Variants in DNMT3A observed in about 807,000 individuals in gnomAD.
DNMT3A encodes the protein DNA (cytosine-5)-methyltransferase 3A.
In DNMT3A, 267 loss-of-function variants were observed where a neutral mutation model predicts 117.6. The ratio of observed to expected loss-of-function variants is 2.27; its 90% confidence interval spans 2.05 to 2.51. DNMT3A has a LOEUF of 2.51. Ranked by LOEUF, DNMT3A falls within the 30% of genes most tolerant of loss-of-function variation. DNMT3A has a pLI of 0.00. For synonymous variants in DNMT3A, 432 were observed against 474.8 expected (o/e 0.91, Z 1.17); for missense variants, 1,029 against 1,260.2 (o/e 0.82, Z 2.78).
chr2:25,254,276 G>A lies in DNMT3A; in HGVS notation c.640-6024C>T, dbSNP rs1200962630. On this transcript the variant is annotated intron_variant, in intron 6 of 22. Coordinates refer to ENST00000321117, the MANE Select transcript of DNMT3A (RefSeq NM_022552.5). The surrounding 1 kb of genome is among the most constrained non-coding windows in gnomAD (Gnocchi z 4.7). Reference sequence around the variant, plus strand: ...CTGGCTCCCAGCCACAGTCACCTGGGACATACAGGTGCTGGTATAATGAAG... The same window carrying A: ...CTGGCTCCCAGCCACAGTCACCTGGAACATACAGGTGCTGGTATAATGAAG... Among the ~76,000 whole-genome samples the A allele has an allele frequency of 6.6e-6, 1 of 152,016 alleles. No homozygotes were observed. Among genetic ancestry groups the A allele is most frequent in the Non-Finnish European group, 1.5e-5 (1 of 67,998 alleles).
chr2:25,272,977 A>ATTTT lies in DNMT3A; in HGVS notation c.639+1960_639+1963dup, dbSNP rs70947875. 9.4e-5 allele frequency among the ~76,000 whole-genome samples: 10 copies of ATTTT among 106,480 alleles called. 1 individual carries two copies. Among genetic ancestry groups the ATTTT allele is most frequent in the African/African-American group, 3.4e-4 (8 of 23,358 alleles). 69.9% of individuals were successfully genotyped at this position (106,480 alleles called of 152,430 possible). Reference sequence around the variant, plus strand: ...CCACCACACCTGGCTAATTGTTTGTATTTTTTTTTTTTTTGAGACAGAGTT... The same window carrying ATTTT: ...CCACCACACCTGGCTAATTGTTTGTATTTTTTTTTTTTTTTTTTGAGACAGAGTT... On this transcript the variant is annotated intron_variant, in intron 6 of 22. Coordinates refer to ENST00000321117, the MANE Select transcript of DNMT3A (RefSeq NM_022552.5).
chr2:25,318,452 AATTCTTGT>A (rs1367499505), intron 1 of DNMT3A, among the ~76,000 whole-genome samples: 13 of 151,882 alleles, frequency 8.6e-5, no homozygotes. Context: ...ACTCCCGGCT[AATTCTTGT>A]ATTTTTAGTA....
chr2:25,274,563 G>A (rs1182887459), intron 6 of DNMT3A, among the ~76,000 whole-genome samples: 1 of 152,176 alleles, frequency 6.6e-6, no homozygotes, highest in Non-Finnish European at 1.5e-5. Flanking sequence ...CACAGAGCCA[G>A]CTCTTCGGTT....
chr2:25,292,545 A>T (rs2032833843), intron 3 of DNMT3A, among the ~76,000 whole-genome samples: 1 of 151,950 alleles, frequency 6.6e-6, no homozygotes, highest in African/African-American at 2.4e-5. Context: ...GAAATTTCTA[A>T]TGGGTGTCCT....
At chr2:25,326,874 C>G (rs936860201) in intron 1 of DNMT3A, among the ~76,000 whole-genome samples, 5 of 152,250 alleles carry the variant, frequency 3.3e-5, no homozygotes, top group African/African-American at 1.2e-4. Context: ...CAGCCAGGAG[C>G]TTCTCCCAGC....
chr2:25,275,526 T>C lies in DNMT3A; in HGVS notation c.466A>G (p.Thr156Ala), dbSNP rs1341152011. ...PAEAGKEQKE[T>A]NIESMKMEGS... ...TCCATTTTCATGGATTCGATGTTGG[T>C]CTCCTTCTGTTCTTTGCCTGTGGAG... The change falls in exon 5 of 23, where the codon ACC becomes GCC. Residue 156 changes from threonine (T) to alanine (A), a missense_variant. Thr to Ala is a moderately conservative substitution (Grantham distance 58, BLOSUM62 0). Transcript: ENST00000321117. 6.3e-7 allele frequency: 1 copy of C among 1,585,592 alleles called. No homozygotes were observed.
rs900465870 is a variant in DNMT3A at position 25,294,019 on chromosome 2, C to T, written c.177+6120G>A. 6.6e-6 allele frequency among the ~76,000 whole-genome samples: 1 copy of T among 152,198 alleles called. No homozygotes were observed. The highest frequency in any genetic ancestry group is 2.4e-5 in the African/African-American group (1 of 41,466). On this transcript the variant is annotated intron_variant, in intron 3 of 22. Transcript: ENST00000321117. This position sits in a 1 kb window ranked among gnomAD's most constrained non-coding sequence, Gnocchi z 4.7. ...CCTAGTCCCCTCAGCCAGGCCTGTGCCTGTGTGCTCATGGCCCCTGCCTTT... is the reference window on the plus strand; with the variant it reads ...CCTAGTCCCCTCAGCCAGGCCTGTGTCTGTGTGCTCATGGCCCCTGCCTTT...
rs533724926 is a variant in DNMT3A at position 25,237,944 on chromosome 2, G to A, written c.2409-939C>T. ...AAGGCTTCCCTGAGCACTGGCTCCA[G>A]GATCTCAGTGTGGGAACCACGGGGC... On this transcript the variant is annotated intron_variant, in intron 20 of 22. Coordinates refer to ENST00000321117, the MANE Select transcript of DNMT3A (RefSeq NM_022552.5). This position sits in a 1 kb window ranked among gnomAD's most constrained non-coding sequence, Gnocchi z 5.4. 2.1e-4 allele frequency among the ~76,000 whole-genome samples: 32 copies of A among 152,260 alleles called. No homozygotes were observed. The highest frequency in any genetic ancestry group is 3.7e-4 in the Non-Finnish European group (25 of 68,042).
At chr2:25,246,848 G>C in intron 9 of DNMT3A, 72 bp from the exon 10 acceptor site, 4 of 1,581,946 alleles carry the variant, frequency 2.5e-6, no homozygotes, top group Non-Finnish European at 3.4e-6. Context: ...CTCAAGGCCA[G>C]ACTCTGAGTA....
chr2:25,264,329 G>T lies in DNMT3A; in HGVS notation c.639+10612C>A, dbSNP rs145083535. Among the ~76,000 whole-genome samples, 493 of 151,618 alleles carry T rather than the reference G, an allele frequency of 3.3e-3. 3 individuals carry two copies. The highest frequency in any genetic ancestry group is 0.011 in the African/African-American group (441 of 41,344). The stretch of plus-strand genomic sequence containing the variant: ...TAATTTTTGTATTTTCAGTAGAGAC[G>T]GCGTTTCACCATGTTAGCCAGACTG... On this transcript the variant is annotated intron_variant, in intron 6 of 22. Transcript: ENST00000321117.
intron 6 of DNMT3A, among the ~76,000 whole-genome samples, chr2:25,267,437 T>C (rs1433275587): frequency 6.6e-6 from 1 of 151,874 alleles, no homozygotes; most frequent in African/African-American, 2.4e-5. Flanking sequence ...TAGCCAAGTG[T>C]GGTGGCACAT....
chr2:25,241,617 C>A lies in DNMT3A; in HGVS notation c.2027G>T (p.Arg676Leu), dbSNP rs769539104. The change falls in exon 17 of 23, where the codon CGG becomes CTG. Residue 676 changes from arginine to leucine, a missense_variant. Coordinates refer to ENST00000321117, the MANE Select transcript of DNMT3A (RefSeq NM_022552.5). ...CEDSITVGMV[R>L]HQGKIMYVGD... ...GACGTACATGATCTTCCCCTGGTGC[C>A]GCACCATGCCCACCGTGATGGAGTC... 1 of 1,613,888 alleles carries A rather than the reference C, an allele frequency of 6.2e-7. No homozygotes were observed.
Position 25,293,236 on chromosome 2 carries a change from T to C in DNMT3A, c.177+6903A>G, listed in dbSNP as rs2032890621. On this transcript the variant is annotated intron_variant, in intron 3 of 22. Coordinates refer to ENST00000321117, the MANE Select transcript of DNMT3A (RefSeq NM_022552.5). The surrounding 1 kb of genome is among the most constrained non-coding windows in gnomAD (Gnocchi z 4.7). ...CCAGCAGCATAGGCTTGGCCAATTC[T>C]GCCCCGCCACTGCCACCCCCCACAG... Among the ~76,000 whole-genome samples the C allele has an allele frequency of 6.6e-6, 1 of 152,074 alleles. No individual in the cohort carries two copies. Among genetic ancestry groups the C allele is most frequent in the African/African-American group, 2.4e-5 (1 of 41,422 alleles).
rs969575270 is a variant in DNMT3A at position 25,304,398 on chromosome 2, G to A, written c.73-4155C>T. On this transcript the variant is annotated intron_variant, in intron 2 of 22. Coordinates refer to ENST00000321117, the MANE Select transcript of DNMT3A (RefSeq NM_022552.5). This position sits in a 1 kb window ranked among gnomAD's most constrained non-coding sequence, Gnocchi z 4.3. ...CACTCGAGAACTGCTACCTTCCCCC[G>A]CTCCACACATCCTGATTCGTACTTC... 5.3e-5 allele frequency among the ~76,000 whole-genome samples: 8 copies of A among 152,016 alleles called. No individual in the cohort carries two copies. Among genetic ancestry groups the A allele is most frequent in the African/African-American group, 7.3e-5 (3 of 41,364 alleles).
chr2:25,342,006 G>A (rs1229931980), upstream of DNMT3A: 3 of 900,198 alleles, frequency 3.3e-6, no homozygotes, highest in African/African-American at 2.0e-5. This position sits in a 1 kb window ranked among gnomAD's most constrained non-coding sequence, Gnocchi z 5.9. Flanking sequence ...CCCTCTCTCC[G>A]CCTCCTCCGC....
intron 5 of DNMT3A, 128 bp from the exon 6 acceptor site, chr2:25,275,215 C>T (rs1471455845): frequency 3.0e-6 from 4 of 1,344,912 alleles, no homozygotes; most frequent in Admixed American, 2.8e-5. Context: ...GAGTGCTGGG[C>T]AGGCCCCGTG....
intron 4 of DNMT3A, among the ~76,000 whole-genome samples, chr2:25,280,416 C>T (rs1322992947): frequency 6.6e-6 from 1 of 150,794 alleles, no homozygotes; most frequent in African/African-American, 2.4e-5. Context: ...TGCACTCTAG[C>T]CTTGTGACAT....
At chr2:25,239,368 G>A (rs1673722409) in intron 19 of DNMT3A, 153 bp from the exon 20 acceptor site, 4 of 692,740 alleles carry the variant, frequency 5.8e-6, no homozygotes, top group Non-Finnish European at 1.1e-5. Flanking sequence ...GGAGAAGCTG[G>A]AATTACACCT....
At chr2:25,235,926 A>G in intron 21 of DNMT3A, 101 bp from the exon 22 acceptor site, 1 of 1,118,744 alleles carries the variant, frequency 8.9e-7, no homozygotes, top group Non-Finnish European at 1.4e-6. Context: ...AAACCCTGAC[A>G]GGGCCTGGTC....
Sources: gnomAD v4.1 joint callset for allele counts (sites outside exome capture counted in the v4.1 genomes callset) on GRCh38, gnomAD v4.1.1 for gene constraint, Gnocchi (gnomAD v3.1) non-coding constraint, MANE v1.5 for transcripts, NCBI Gene and HGNC (gene_info 2026-07-23, HGNC 2026-07-21) for gene names.